Variants in LRRIQ1 observed in about 807,000 individuals in gnomAD.
LRRIQ1 encodes leucine rich repeats and IQ motif containing 1, also known as leucine-rich repeat- and IQ domain-containing protein 1.
Under a neutral mutation model 211.9 loss-of-function variants are expected in LRRIQ1, and 210 were observed. The ratio of observed to expected loss-of-function variants is 0.99; its 90% confidence interval spans 0.89 to 1.11. The LOEUF is 1.11. Among genes scored for constraint, LRRIQ1 ranks in the 50% most tolerant of loss-of-function variants. The probability of loss-of-function intolerance (pLI) is 0.00; values close to 1 mark genes in which losing one functional copy is unlikely to be tolerated. For synonymous variants in LRRIQ1, 699 were observed against 650.1 expected (o/e 1.08, Z -1.14); for missense variants, 2,136 against 1,939.5 (o/e 1.10, Z -1.90).
intron 24 of LRRIQ1, among the ~76,000 whole-genome samples, chr12:85,219,258 C>T (rs1005877343): frequency 6.6e-6 from 1 of 151,982 alleles, no homozygotes; most frequent in Non-Finnish European, 1.5e-5. Flanking sequence ...ATATACATGG[C>T]AAAACATATT....
In LRRIQ1 at chr12:85,154,012, G is replaced by C. The variant is rs1490474181; in HGVS notation, c.4638G>C (p.Trp1546Cys). ...TTTATTATATTTAATCTTTTAATAG[G>C]GGCTTTAAGGATATTTCTACTGCTC... ...SEKEKKISEE[W>C]GFKDISTAQQ... The change falls in exon 23 of 27, where the codon TGG becomes TGC. Residue 1546 changes from tryptophan to cysteine, a missense_variant and splice_region_variant. Transcript: ENST00000393217. 1.3e-6 allele frequency: 2 copies of C among 1,539,342 alleles called. No homozygotes were observed. Among genetic ancestry groups the C allele is most frequent in the South Asian group, 2.6e-5 (2 of 77,292 alleles).
chr12:85,057,394 C>T (rs1188213238), intron 8 of LRRIQ1, among the ~76,000 whole-genome samples: 1 of 151,902 alleles, frequency 6.6e-6, no homozygotes, highest in Non-Finnish European at 1.5e-5. Flanking sequence ...CTATAAAAAG[C>T]TTTGATTTAT....
chr12:85,178,792 A>C (rs1891840375), intron 24 of LRRIQ1, among the ~76,000 whole-genome samples: 1 of 151,910 alleles, frequency 6.6e-6, no homozygotes, highest in Admixed American at 6.6e-5. Context: ...TTCTCTACTC[A>C]AAACACATAT....
At chr12:85,165,643 C>A (rs1891120112) in intron 24 of LRRIQ1, among the ~76,000 whole-genome samples, 1 of 151,602 alleles carries the variant, frequency 6.6e-6, no homozygotes, top group African/African-American at 2.4e-5. Flanking sequence ...CAGCTAATTT[C>A]TTTTGTATTT....
intron 1 of LRRIQ1, among the ~76,000 whole-genome samples, chr12:85,261,494 T>A (rs1429555146): frequency 6.6e-6 from 1 of 151,990 alleles, no homozygotes; most frequent in Non-Finnish European, 1.5e-5. Context: ...CTATTTGAAT[T>A]TATATTTTTT....
chr12:85,119,305 T>C, intron 15 of LRRIQ1, among the ~76,000 whole-genome samples: 1 of 152,176 alleles, frequency 6.6e-6, no homozygotes, highest in East Asian at 1.9e-4. Flanking sequence ...TAATATGCAC[T>C]TAACTTTTCT....
In LRRIQ1 at chr12:85,088,511, C is replaced by T. The variant is rs537623649; in HGVS notation, c.2888-9844C>T. On this transcript the variant is annotated intron_variant, in intron 11 of 26. Transcript: ENST00000393217. ...GTCATTGGTAGCTTGATGGGGATAGCATTGAATCTATAAATTACCTTGGGC... is the reference window on the plus strand; with the variant it reads ...GTCATTGGTAGCTTGATGGGGATAGTATTGAATCTATAAATTACCTTGGGC... Among the ~76,000 whole-genome samples the T allele has an allele frequency of 9.9e-5, 15 of 152,252 alleles. No homozygotes were observed. The South Asian group carries it at 1.7e-3, about 17-fold the overall frequency.
chr12:85,102,148 A>G (rs1010686719), intron 13 of LRRIQ1, among the ~76,000 whole-genome samples: 1 of 151,676 alleles, frequency 6.6e-6, no homozygotes, highest in Non-Finnish European at 1.5e-5. Context: ...TATATATTGC[A>G]TGTAACAATT....
At chr12:85,230,741 A>T (rs921120544) in intron 25 of LRRIQ1, among the ~76,000 whole-genome samples, 3 of 152,194 alleles carry the variant, frequency 2.0e-5, no homozygotes, top group African/African-American at 7.2e-5. Context: ...AAGTGTTATT[A>T]TAGGCATTTA....
intron 24 of LRRIQ1, among the ~76,000 whole-genome samples, chr12:85,224,271 A>G (rs952919220): frequency 1.3e-5 from 2 of 152,172 alleles, no homozygotes; most frequent in African/African-American, 4.8e-5. Flanking sequence ...GATGTGGAGA[A>G]ATAGGAACAC....
At chr12:85,102,451 T>A (rs970491307) in intron 13 of LRRIQ1, among the ~76,000 whole-genome samples, 3 of 151,868 alleles carry the variant, frequency 2.0e-5, no homozygotes, top group Non-Finnish European at 2.9e-5. Context: ...AGAAGTGGGA[T>A]CTTATATGTT....
In LRRIQ1 at chr12:85,077,526, T is replaced by C. The variant is rs1883792609; in HGVS notation, c.2887+4428T>C. On this transcript the variant is annotated intron_variant, in intron 11 of 26. Transcript: ENST00000393217. ...TTGAATAGGGCAGGGGAAGAAATAT[T>C]GGATATTTTATCTGGGAAAGAATAA... is the stretch of plus-strand genomic sequence containing the variant. Among the ~76,000 whole-genome samples the C allele has an allele frequency of 3.9e-5, 6 of 152,316 alleles. No homozygotes were observed. In the South Asian group the frequency reaches 1.2e-3, roughly 32 times the overall value.
chr12:85,224,183 C>T (rs958753704), intron 24 of LRRIQ1, among the ~76,000 whole-genome samples: 1 of 151,914 alleles, frequency 6.6e-6, no homozygotes, highest in Admixed American at 6.6e-5. Context: ...AAATGCAAAT[C>T]AAAACCACAG....
chr12:85,092,457 A>G (rs1565825106), intron 11 of LRRIQ1, among the ~76,000 whole-genome samples: 1 of 152,218 alleles, frequency 6.6e-6, no homozygotes, highest in Non-Finnish European at 1.5e-5. Context: ...GTAAAAGCCA[A>G]ACATCACCGG....
At chr12:85,064,970 A>G (rs1172837508) in intron 8 of LRRIQ1, among the ~76,000 whole-genome samples, 2 of 151,818 alleles carry the variant, frequency 1.3e-5, no homozygotes, top group Non-Finnish European at 2.9e-5. Context: ...TTTAAAAATC[A>G]AAAATTGTTG....
intron 3 of LRRIQ1, among the ~76,000 whole-genome samples, 175 bp from the exon 4 acceptor site, chr12:85,044,538 TATATC>T (rs912648115): frequency 1.3e-5 from 2 of 151,954 alleles, no homozygotes; most frequent in Admixed American, 1.3e-4. Context: ...TTAGAATAAA[TATATC>T]AGATTTCCTC....
At chr12:85,158,584 A>C (rs1162982513) in intron 23 of LRRIQ1, among the ~76,000 whole-genome samples, 1 of 152,016 alleles carries the variant, frequency 6.6e-6, no homozygotes, top group Non-Finnish European at 1.5e-5. Context: ...ATATTATTTA[A>C]ATGAAATAAT....
intron 1 of LRRIQ1, among the ~76,000 whole-genome samples, chr12:85,259,964 A>C (rs563223278): frequency 4.0e-4 from 61 of 152,160 alleles, no homozygotes; most frequent in African/African-American, 1.0e-3. Context: ...AAAATGTAGA[A>C]ACACTGTTAA....
chr12:85,056,473 C>A lies in LRRIQ1; in HGVS notation c.1680C>A (p.Asn560Lys). The change falls in exon 8 of 27, where the codon AAC (asparagine) becomes AAA (lysine). Residue 560 changes from asparagine to lysine, a missense_variant. Transcript: ENST00000393217. ...GQKTQIILGH[N>K]QEISEVKTNE... ...AAACCCAGATAATATTAGGACATAA[C>A]CAAGAAATCAGTGAGGTGAAAACCA... The A allele has an allele frequency of 6.2e-7, 1 of 1,610,438 alleles. No homozygotes were observed. The highest frequency in any genetic ancestry group is 1.1e-5 in the South Asian group (1 of 90,186).
Sources: gnomAD v4.1 joint callset for allele counts (sites outside exome capture counted in the v4.1 genomes callset) on GRCh38, gnomAD v4.1.1 for gene constraint, MANE v1.5 for transcripts, NCBI Gene and HGNC (gene_info 2026-07-23, HGNC 2026-07-21) for gene names.